Variants in ATP8B1 observed in about 807,000 individuals in gnomAD.
ATP8B1 encodes the protein phospholipid-transporting ATPase IC.
Under a neutral mutation model 149.9 loss-of-function variants are expected in ATP8B1, and 80 were observed. That is an observed-to-expected ratio of 0.53 (90% CI 0.45 to 0.64). The LOEUF (loss-of-function observed/expected upper bound fraction) is 0.64, where lower values mean the gene tolerates loss of function less well. Ranked by LOEUF, ATP8B1 falls within the 30% of genes least tolerant of loss-of-function variation. The pLI is 0.00. For missense variants in ATP8B1, 1,247 were observed against 1,552.6 expected (o/e 0.80, Z 3.31); for synonymous variants, 536 against 562.8 (o/e 0.95, Z 0.67).
chr18:57,647,291 T>G lies in ATP8B1; in HGVS notation c.*1197A>C, dbSNP rs1036403516. ...CTATGGGAAGCTGCTAAAATAATAT[T>G]TGATAGTAAAAGTATGTAATGTGCT... is the stretch of plus-strand genomic sequence containing the variant. On this transcript the variant is annotated 3_prime_UTR_variant, in exon 28 of 28. Transcript: ENST00000648908. 6.6e-6 allele frequency: 1 copy of G among 152,216 alleles called. No individual in the cohort carries two copies. Among genetic ancestry groups the G allele is most frequent in the Non-Finnish European group, 1.5e-5 (1 of 68,042 alleles). The allele number at this position is 152,216 out of a possible 1,614,324, so 9.4% of individuals were successfully genotyped here. A position where few individuals can be genotyped will look rare whatever the true frequency, so the allele number is the denominator to read the frequency against.
At position 57,706,562 on chromosome 18, in the gene ATP8B1, G is replaced by C. The variant is rs201150730; in HGVS notation, c.207C>G (p.Asn69Lys). The change falls in exon 3 of 28, where the codon AAC (asparagine) becomes AAG (lysine). Residue 69 changes from asparagine to lysine, a missense_variant. Around this residue, in one of 3 missense-constraint regions of ATP8B1, gnomAD observed 853 missense variants for 1,035.7 expected, o/e 0.82. Coordinates refer to ENST00000648908, the MANE Select transcript of ATP8B1 (RefSeq NM_001374385.1). The stretch of plus-strand genomic sequence containing the variant: ...GAGGTTGTTCGTGGTACTTGCGATC[G>C]TTTGCTTTGACTTGCCATGTACATT... ...RKECTWQVKA[N>K]DRKYHEQPHF... The C allele has an allele frequency of 6.2e-7, 1 of 1,613,886 alleles. No individual in the cohort carries two copies. Among genetic ancestry groups the C allele is most frequent in the Non-Finnish European group, 8.5e-7 (1 of 1,179,918 alleles).
Position 57,648,830 on chromosome 18 carries a change from A to C in ATP8B1, c.3532-118T>G, listed in dbSNP as rs1444719129. The C allele has an allele frequency of 3.4e-6, 3 of 890,212 alleles. No individual in the cohort carries two copies. The African/African-American group carries it at 5.9e-5, about 18-fold the overall frequency. The allele number at this position is 890,212 out of a possible 1,614,324, so 55.1% of individuals were successfully genotyped here. On this transcript the variant is annotated intron_variant, in intron 27 of 27. Coordinates refer to ENST00000648908, the MANE Select transcript of ATP8B1 (RefSeq NM_001374385.1). The stretch of plus-strand genomic sequence containing the variant: ...CTCCCCTGACACCTGCCCCATTTTG[A>C]TGCAGGCAGTTCTGTCCCCACTTGT...
At chr18:57,699,413 G>A (rs1033167347) in intron 6 of ATP8B1, among the ~76,000 whole-genome samples, 1 of 152,198 alleles carries the variant, frequency 6.6e-6, no homozygotes, top group Non-Finnish European at 1.5e-5. Context: ...GTGTCCCAAT[G>A]AGCCTAGCAG....
intron 11 of ATP8B1, among the ~76,000 whole-genome samples, chr18:57,692,722 A>G (rs319451): frequency 0.99 from 150,968 of 152,222 alleles, 74,882 homozygotes; most frequent in Middle Eastern, 1. Flanking sequence ...GGTGGCCCTC[A>G]CCCAGCCAGA....
chr18:57,768,369 A>T (rs1377555912), intron 1 of ATP8B1, among the ~76,000 whole-genome samples: 3 of 143,448 alleles, frequency 2.1e-5, no homozygotes, highest in Non-Finnish European at 3.0e-5. Context: ...CCTGGGCAAC[A>T]GAGTGAGACC....
intron 20 of ATP8B1, 51 bp downstream of exon 20, chr18:57,667,041 A>G (rs1284786493): frequency 1.4e-6 from 2 of 1,479,718 alleles, no homozygotes; most frequent in Admixed American, 3.3e-5. Context: ...ACAGTCTTGC[A>G]TTTGCAAAGA....
chr18:57,718,186 G>A (rs1249399647), intron 2 of ATP8B1, among the ~76,000 whole-genome samples: 1 of 145,644 alleles, frequency 6.9e-6, no homozygotes, highest in Non-Finnish European at 1.5e-5. Flanking sequence ...CATTACAACT[G>A]TTACCACAGA....
At chr18:57,749,920 A>G (rs1790015382) in intron 1 of ATP8B1, among the ~76,000 whole-genome samples, 1 of 152,212 alleles carries the variant, frequency 6.6e-6, no homozygotes, top group South Asian at 2.1e-4. Flanking sequence ...AATTAGTGTA[A>G]GAATAGAGAG....
In ATP8B1 at chr18:57,652,061, G is replaced by C. The variant is rs1599066497; in HGVS notation, c.3373C>G (p.Leu1125Val). The C allele has an allele frequency of 6.2e-7, 1 of 1,613,816 alleles. No homozygotes were observed. Among genetic ancestry groups the C allele is most frequent in the East Asian group, 2.2e-5 (1 of 44,848 alleles). ...FDFHSAGIHV[L>V]FPSAFQFTGT... ...GTAAATTGAAATGCAGATGGAAAGA[G>C]AACATGTATTCCAGCACTATGAAAG... Residue 1125 changes from leucine to valine, a missense_variant, in exon 26 of 28, where the codon CTC (leucine) becomes GTC (valine). By Grantham distance (32) the Leu-to-Val change is conservative. This residue lies in a region of ATP8B1 where 230 missense variants were observed against 356.6 expected (regional missense o/e 0.65). Transcript: ENST00000648908.
intron 1 of ATP8B1, among the ~76,000 whole-genome samples, chr18:57,768,409 A>AAGAAG: frequency 7.7e-6 from 1 of 129,982 alleles, no homozygotes; most frequent in Non-Finnish European, 1.6e-5. Context: ...AAAAAAAAAA[A>AAGAAG]AGAAAAGAAA....
rs121909103 is a variant in ATP8B1 at position 57,661,282 on chromosome 18, G to A, written c.2599C>T (p.Arg867Cys). The A allele has an allele frequency of 2.5e-6, 4 of 1,613,924 alleles. No individual in the cohort carries two copies. The highest frequency in any genetic ancestry group is 3.4e-6 in the Non-Finnish European group (4 of 1,180,006). Residue 867 changes from arginine (R) to cysteine (C), a missense_variant, in exon 22 of 28, where the codon CGC (arginine) becomes TGC (cysteine). This residue lies in a region of ATP8B1 where 230 missense variants were observed against 356.6 expected (regional missense o/e 0.65). Coordinates refer to ENST00000648908, the MANE Select transcript of ATP8B1 (RefSeq NM_001374385.1). Reference protein sequence around the residue: ...ACECSAVICCRVTPKQKAMVV... With the variant: ...ACECSAVICCCVTPKQKAMVV... ...ATGGCCTTCTGCTTGGGGGTGACGC[G>A]GCAGCAGATGACTGCGCTGCACTCG...
chr18:57,650,245 A>G (rs1909513918), intron 27 of ATP8B1, 122 bp downstream of exon 27: 1 of 1,261,498 alleles, frequency 7.9e-7, no homozygotes, highest in Non-Finnish European at 1.1e-6. Context: ...AAGAGAAGCA[A>G]TCATGAAAAA....
chr18:57,677,848 G>T (rs184625147), intron 15 of ATP8B1, among the ~76,000 whole-genome samples: 1 of 152,076 alleles, frequency 6.6e-6, no homozygotes, highest in Non-Finnish European at 1.5e-5. Context: ...GACAGCAAAC[G>T]CATTTCCAGC....
At chr18:57,664,501 GAAAAAA>G (rs532262308) in intron 20 of ATP8B1, among the ~76,000 whole-genome samples, 9 of 99,480 alleles carry the variant, frequency 9.0e-5, no homozygotes, top group East Asian at 5.4e-4. Flanking sequence ...GTCTTTCTAA[GAAAAAA>G]AAAAAAAAAA....
At chr18:57,694,444 C>T in intron 11 of ATP8B1, 138 bp downstream of exon 11, 1 of 616,686 alleles carries the variant, frequency 1.6e-6, no homozygotes, top group Non-Finnish European at 2.9e-6. Flanking sequence ...CTTCTTCCTG[C>T]ATTTGAAGCT....
chr18:57,651,313 C>T (rs1351443109), intron 26 of ATP8B1, among the ~76,000 whole-genome samples: 2 of 152,094 alleles, frequency 1.3e-5, no homozygotes, highest in African/African-American at 4.8e-5. Flanking sequence ...ACCATGTTGC[C>T]CAGGCTGGTC....
chr18:57,721,309 A>G (rs1184587732), intron 2 of ATP8B1, among the ~76,000 whole-genome samples: 1 of 149,736 alleles, frequency 6.7e-6, no homozygotes, highest in Non-Finnish European at 1.5e-5. Flanking sequence ...GGCAAATTGG[A>G]TAAAGAGTCA....
chr18:57,684,989 C>T (rs1912160060), intron 14 of ATP8B1, 83 bp downstream of exon 14: 2 of 1,542,522 alleles, frequency 1.3e-6, no homozygotes, highest in Non-Finnish European at 1.8e-6. Context: ...AGAGTCTTCC[C>T]TAGACCTTCA....
chr18:57,756,403 C>A (rs997669588), intron 1 of ATP8B1, among the ~76,000 whole-genome samples: 1 of 150,750 alleles, frequency 6.6e-6, no homozygotes, highest in Non-Finnish European at 1.5e-5. Flanking sequence ...CGGGTTCAAG[C>A]GATTCTTGTG....
Sources: gnomAD v4.1 joint callset for allele counts (sites outside exome capture counted in the v4.1 genomes callset) on GRCh38, gnomAD v4.1.1 for gene constraint, gnomAD v4.1.1 regional missense constraint, MANE v1.5 for transcripts, NCBI Gene and HGNC (gene_info 2026-07-23, HGNC 2026-07-21) for gene names.